The following CRACR2A variants were observed in gnomAD, a reference collection of about 807,000 sequenced individuals.
The protein encoded by CRACR2A is EF-hand calcium-binding domain-containing protein 4B.
A neutral mutation model predicts 90.5 loss-of-function variants in CRACR2A; 79 were observed. That is an observed-to-expected ratio of 0.87 (90% CI 0.73 to 1.05). CRACR2A has a LOEUF of 1.05. Ranked by LOEUF, CRACR2A falls within the 50% of genes least tolerant of loss-of-function variation. The pLI, the probability that CRACR2A is intolerant of heterozygous loss-of-function variation, is 0.00. For synonymous variants in CRACR2A, 338 were observed against 356.7 expected, an observed-to-expected ratio of 0.95 and a Z score of 0.59; for missense variants, 823 against 897.2, an observed-to-expected ratio of 0.92 and a Z score of 1.06.
chr12:3,734,498 C>T (rs892130962), intron 1 of CRACR2A, among the ~76,000 whole-genome samples: 1 of 152,066 alleles, frequency 6.6e-6, no homozygotes, highest in Admixed American at 6.5e-5. Context: ...CCGAAGGAAA[C>T]ACGATCAGTA....
Position 3,638,366 on chromosome 12 carries a change from C to T in CRACR2A, c.1360G>A (p.Gly454Arg), listed in dbSNP as rs1944498386. The T allele has an allele frequency of 6.4e-7, 1 of 1,551,574 alleles. No homozygotes were observed. The highest frequency in any genetic ancestry group is 2.4e-5 in the East Asian group (1 of 40,928). ...CCCCCAGGCCCTGGCTCCCCGGTTC[C>T]TGGCTCCTCTTCTGTTAGGGGATAT... ...SGYPLTEEEPGTGEPGPGGPY... is the reference protein window; with the variant it reads ...SGYPLTEEEPRTGEPGPGGPY... Residue 454 changes from glycine (G) to arginine (R), a missense_variant, in exon 14 of 20, where the codon GGA becomes AGA. Gly to Arg is a moderately radical substitution (Grantham distance 125). Coordinates refer to ENST00000440314, the MANE Select transcript of CRACR2A (RefSeq NM_001144958.2).
At position 3,693,470 on chromosome 12, in the gene CRACR2A, G is replaced by A. The variant is rs919361100; in HGVS notation, c.228+3302C>T. 4.6e-5 allele frequency among the ~76,000 whole-genome samples: 7 copies of A among 152,330 alleles called. No individual in the cohort carries two copies. In the South Asian group the frequency reaches 8.3e-4, roughly 18 times the overall value. ...CTAAAGTCTCCTGTGGGAGTAAGTC[G>A]AGCCTAGGGAGATGGGTTTCTTGTA... On this transcript the variant is annotated intron_variant, in intron 4 of 19. Coordinates refer to ENST00000440314, the MANE Select transcript of CRACR2A (RefSeq NM_001144958.2).
intron 13 of CRACR2A, among the ~76,000 whole-genome samples, chr12:3,641,040 T>C (rs1201270572): frequency 6.6e-6 from 1 of 152,218 alleles, no homozygotes; most frequent in African/African-American, 2.4e-5. Flanking sequence ...AATATAGTCA[T>C]GTTCCTAAAA....
intron 2 of CRACR2A, among the ~76,000 whole-genome samples, chr12:3,724,494 C>T (rs1300378261): frequency 6.6e-6 from 1 of 152,236 alleles, no homozygotes; most frequent in Non-Finnish European, 1.5e-5. Flanking sequence ...CTAAGCACAG[C>T]TGGCATTGTG....
rs1946736865 is a variant in CRACR2A at position 3,753,100 on chromosome 12, T to C, written c.-472A>G. The C allele has an allele frequency of 6.6e-6, 1 of 152,334 alleles. No homozygotes were observed. Among genetic ancestry groups the C allele is most frequent in the Non-Finnish European group, 1.5e-5 (1 of 68,108 alleles). The allele number at this position is 152,334 out of a possible 1,614,324, so 9.4% of individuals were successfully genotyped here. On this transcript the variant is annotated 5_prime_UTR_variant, in exon 1 of 20. Transcript: ENST00000440314. Reference sequence around the variant, plus strand: ...AGCAGCCGCCTGCTCCGCCCGACTCTTTCCGCTCCGAGCCGCGCGGGCTGG... The same window carrying C: ...AGCAGCCGCCTGCTCCGCCCGACTCCTTCCGCTCCGAGCCGCGCGGGCTGG...
intron 13 of CRACR2A, among the ~76,000 whole-genome samples, chr12:3,641,520 G>A (rs1944570080): frequency 6.6e-6 from 1 of 152,172 alleles, no homozygotes; most frequent in African/African-American, 2.4e-5. Flanking sequence ...GAAGACAATG[G>A]TCTGTCCTGT....
intron 18 of CRACR2A, among the ~76,000 whole-genome samples, chr12:3,618,559 C>A (rs1379343569): frequency 2.0e-5 from 3 of 152,160 alleles, no homozygotes. Flanking sequence ...TGAGTCTTAC[C>A]ATCTGTGCTC....
chr12:3,689,375 C>A (rs984106739), intron 4 of CRACR2A, among the ~76,000 whole-genome samples: 1 of 152,118 alleles, frequency 6.6e-6, no homozygotes, highest in Non-Finnish European at 1.5e-5. Flanking sequence ...CCTTCAATAC[C>A]TAGTTTGTTG....
chr12:3,742,304 G>T (rs1304557367), intron 1 of CRACR2A, among the ~76,000 whole-genome samples: 1 of 152,140 alleles, frequency 6.6e-6, no homozygotes, highest in Non-Finnish European at 1.5e-5. Context: ...AGTCTCTGAG[G>T]GTGGTCCCAT....
rs11833418 is a variant in CRACR2A at position 3,646,008 on chromosome 12, T to C, written c.1119-1368A>G. Among the ~76,000 whole-genome samples, 333 of 152,264 alleles carry C rather than the reference T, an allele frequency of 2.2e-3. 1 individual carries two copies. The highest frequency in any genetic ancestry group is 7.6e-3 in the African/African-American group (315 of 41,552). ...GGGCACGGGGGTAGGGGGTGGCCTC[T>C]GTGACGAGTATGGGGAGTACATCCA... On this transcript the variant is annotated intron_variant, in intron 11 of 19. Transcript: ENST00000440314.
intron 1 of CRACR2A, among the ~76,000 whole-genome samples, 151 bp downstream of exon 1, chr12:3,752,864 T>TC (rs59924826): frequency 0.032 from 4,822 of 151,830 alleles, 244 homozygotes; most frequent in African/African-American, 0.11. Context: ...AGCCAGCTGT[T>TC]CCCCCCCAAG....
intron 4 of CRACR2A, among the ~76,000 whole-genome samples, chr12:3,694,809 C>T (rs990550810): frequency 6.6e-6 from 1 of 152,160 alleles, no homozygotes; most frequent in Non-Finnish European, 1.5e-5. Flanking sequence ...ATTTCAAGTG[C>T]TTCACTGACC....
intron 12 of CRACR2A, among the ~76,000 whole-genome samples, chr12:3,644,021 T>C (rs959211630): frequency 7.2e-6 from 1 of 138,892 alleles, no homozygotes; most frequent in Non-Finnish European, 1.5e-5. Context: ...GACCTCAAAG[T>C]GCTTAGCAGT....
At chr12:3,710,118 A>G (rs985814124) in intron 3 of CRACR2A, among the ~76,000 whole-genome samples, 3 of 152,192 alleles carry the variant, frequency 2.0e-5, no homozygotes, top group East Asian at 1.9e-4. Context: ...TGTTGTTTTC[A>G]GTGTCAATCT....
intron 18 of CRACR2A, among the ~76,000 whole-genome samples, chr12:3,618,718 C>T (rs928877585): frequency 2.6e-5 from 4 of 152,320 alleles, no homozygotes; most frequent in East Asian, 3.9e-4. Context: ...CAAGGAACCA[C>T]ATTTTGTTGC....
intron 2 of CRACR2A, among the ~76,000 whole-genome samples, chr12:3,725,760 T>C (rs761784714): frequency 1.3e-5 from 2 of 152,208 alleles, no homozygotes; most frequent in African/African-American, 4.8e-5. Context: ...GGAAATTAAA[T>C]AAGTATTTTC....
Position 3,650,159 on chromosome 12 carries a change from C to T in CRACR2A, c.1047-1546G>A, listed in dbSNP as rs566131298. Among the ~76,000 whole-genome samples, 9 of 152,312 alleles carry T rather than the reference C, an allele frequency of 5.9e-5. No individual in the cohort carries two copies. In the South Asian group the frequency reaches 1.9e-3, roughly 32 times the overall value. On this transcript the variant is annotated intron_variant, in intron 10 of 19. Coordinates refer to ENST00000440314, the MANE Select transcript of CRACR2A (RefSeq NM_001144958.2). ...CGTCACTTTCCATGGGCTGTCAGGG[C>T]TGCCAGGCTGTGCACACACTGGGCT... is the stretch of plus-strand genomic sequence containing the variant.
chr12:3,702,685 G>T (rs4284480), intron 3 of CRACR2A, among the ~76,000 whole-genome samples: 6 of 152,138 alleles, frequency 3.9e-5, no homozygotes. Flanking sequence ...GGGATCGAGA[G>T]ACTCAATATT....
chr12:3,646,566 C>T (rs1262869839), intron 11 of CRACR2A, among the ~76,000 whole-genome samples: 1 of 152,178 alleles, frequency 6.6e-6, no homozygotes, highest in Non-Finnish European at 1.5e-5. Context: ...TTTTCAGTTA[C>T]CTGCATGAGG....
Sources: gnomAD v4.1 joint callset for allele counts (sites outside exome capture counted in the v4.1 genomes callset) on GRCh38, gnomAD v4.1.1 for gene constraint, MANE v1.5 for transcripts, NCBI Gene and HGNC (gene_info 2026-07-23, HGNC 2026-07-21) for gene names.